Variants in GALNTL6 observed in about 807,000 individuals in gnomAD.
GALNTL6 encodes the protein polypeptide N-acetylgalactosaminyltransferase-like 6.
GALNTL6 carries 46 observed loss-of-function variants against 73.7 expected under a neutral mutation model. The ratio of observed to expected loss-of-function variants is 0.62; its 90% CI spans 0.49 to 0.80. The LOEUF (loss-of-function observed/expected upper bound fraction) is 0.80. Among genes scored for constraint, GALNTL6 ranks in the 30% least tolerant of loss-of-function variants. The pLI is 0.00. For missense variants in GALNTL6, 604 were observed against 755.0 expected (o/e 0.80, Z 2.34); for synonymous variants, 259 against 263.7 (o/e 0.98, Z 0.17).
chr4:173,039,448 A>G (rs1029078302), intron 12 of GALNTL6, among the ~76,000 whole-genome samples: 1 of 152,008 alleles, frequency 6.6e-6, no homozygotes, highest in Non-Finnish European at 1.5e-5. Flanking sequence ...TAGAGATTCA[A>G]TGTGAGGGAA....
chr4:171,837,136 T>C (rs2110835678), intron 2 of GALNTL6, among the ~76,000 whole-genome samples: 1 of 152,214 alleles, frequency 6.6e-6, no homozygotes, highest in East Asian at 1.9e-4. Context: ...TTGGATGCAA[T>C]GAAAATGTGT....
intron 5 of GALNTL6, among the ~76,000 whole-genome samples, chr4:172,487,163 G>A (rs756933882): frequency 1.1e-4 from 17 of 151,336 alleles, no homozygotes; most frequent in Admixed American, 1.0e-3. Flanking sequence ...ACAAAAGAAC[G>A]TAGTAGAAGA....
chr4:172,582,953 C>T (rs549896596), intron 5 of GALNTL6, among the ~76,000 whole-genome samples: 41 of 152,288 alleles, frequency 2.7e-4, no homozygotes, highest in Admixed American at 2.0e-3. Context: ...GAAATCTTGT[C>T]ATCCCAGTAA....
intron 2 of GALNTL6, among the ~76,000 whole-genome samples, chr4:171,909,110 A>G (rs1480734360): frequency 6.6e-6 from 1 of 150,414 alleles, no homozygotes; most frequent in Non-Finnish European, 1.5e-5. Context: ...TAACCTGCAC[A>G]TTGTGCACAT....
intron 5 of GALNTL6, among the ~76,000 whole-genome samples, chr4:172,520,446 A>G (rs1482534376): frequency 6.6e-6 from 1 of 151,882 alleles, no homozygotes; most frequent in Non-Finnish European, 1.5e-5. Flanking sequence ...AAAATCATAT[A>G]TACTGTTATT....
chr4:171,908,014 A>T (rs1737348886), intron 2 of GALNTL6, among the ~76,000 whole-genome samples: 2 of 152,064 alleles, frequency 1.3e-5, no homozygotes, highest in Admixed American at 6.6e-5. Flanking sequence ...TTAAAGACTT[A>T]AACGTTAGAC....
chr4:172,941,480 C>G (rs149807205), intron 9 of GALNTL6, among the ~76,000 whole-genome samples: 5 of 152,234 alleles, frequency 3.3e-5, no homozygotes, highest in Non-Finnish European at 5.9e-5. Flanking sequence ...ACCTGGAGAC[C>G]TTGGCATTTC....
intron 5 of GALNTL6, among the ~76,000 whole-genome samples, chr4:172,695,592 T>G (rs1035661849): frequency 1.3e-5 from 2 of 152,246 alleles, no homozygotes; most frequent in Non-Finnish European, 2.9e-5. Context: ...TCATTTCATG[T>G]TTCTTATTTG....
intron 3 of GALNTL6, among the ~76,000 whole-genome samples, chr4:172,267,810 T>A (rs1341478655): frequency 6.6e-6 from 1 of 152,110 alleles, no homozygotes; most frequent in Non-Finnish European, 1.5e-5. Context: ...TGGAAGTATA[T>A]GAATTCCAAG....
At chr4:172,481,232 C>CTTCCTCCCGACCCGAGTTGTTCA (rs1733453280) in intron 5 of GALNTL6, among the ~76,000 whole-genome samples, 1 of 151,746 alleles carries the variant, frequency 6.6e-6, no homozygotes, top group African/African-American at 2.4e-5. Context: ...GGAGTTGTTC[C>CTTCCTCCCGACCCGAGTTGTTCA]TTCCTCCCGA....
At chr4:172,144,597 G>T (rs1055733100) in intron 2 of GALNTL6, among the ~76,000 whole-genome samples, 15 of 152,176 alleles carry the variant, frequency 9.9e-5, no homozygotes, top group African/African-American at 3.6e-4. Context: ...TGAATATTGT[G>T]AAGTTCTATG....
intron 5 of GALNTL6, among the ~76,000 whole-genome samples, chr4:172,373,858 T>A (rs9968443): frequency 0.02 from 3,106 of 152,248 alleles, 105 homozygotes; most frequent in African/African-American, 0.069. Context: ...TAATGGACCT[T>A]GAGGACAGTC....
rs837215 is a variant in GALNTL6 at position 172,633,554 on chromosome 4, T to A, written c.554-175807T>A. ...GCTTTTGATTTTACAGGCTTATAGG[T>A]GGGAGGGACTTGCCTTGTCTCAGAT... On this transcript the variant is annotated intron_variant, in intron 5 of 12. Coordinates refer to ENST00000506823, the MANE Select transcript of GALNTL6 (RefSeq NM_001034845.3). Among the ~76,000 whole-genome samples, 4 of 152,266 alleles carry A rather than the reference T, an allele frequency of 2.6e-5. No individual in the cohort carries two copies. The East Asian group carries it at 5.8e-4, about 22-fold the overall frequency.
chr4:172,375,485 C>T (rs948659457), intron 5 of GALNTL6, among the ~76,000 whole-genome samples: 3 of 152,118 alleles, frequency 2.0e-5, no homozygotes, highest in African/African-American at 4.8e-5. Context: ...AAAATGCCCC[C>T]AGTTTTGGTT....
At chr4:172,895,874 T>C (rs1034583547) in intron 8 of GALNTL6, among the ~76,000 whole-genome samples, 2 of 152,218 alleles carry the variant, frequency 1.3e-5, no homozygotes, top group South Asian at 2.1e-4. Flanking sequence ...AGCTCACTGA[T>C]TCTTTTGTTT....
At chr4:171,931,739 C>A (rs182568328) in intron 2 of GALNTL6, among the ~76,000 whole-genome samples, 2 of 152,142 alleles carry the variant, frequency 1.3e-5, no homozygotes, top group Admixed American at 1.3e-4. Flanking sequence ...GAAAATTGTG[C>A]TTTATCCATT....
At chr4:172,354,530 G>A (rs1477461216) in intron 5 of GALNTL6, among the ~76,000 whole-genome samples, 2 of 152,014 alleles carry the variant, frequency 1.3e-5, no homozygotes, top group Non-Finnish European at 2.9e-5. Flanking sequence ...GGGACATTGA[G>A]CGACATTGCT....
intron 10 of GALNTL6, among the ~76,000 whole-genome samples, chr4:172,965,558 G>A (rs1046330215): frequency 4.0e-5 from 6 of 151,544 alleles, no homozygotes; most frequent in Non-Finnish European, 8.8e-5. Flanking sequence ...ATCCAGCCTG[G>A]GTGACAGAGT....
At chr4:172,090,752 G>A (rs563114606) in intron 2 of GALNTL6, among the ~76,000 whole-genome samples, 19 of 152,220 alleles carry the variant, frequency 1.2e-4, no homozygotes, top group African/African-American at 4.6e-4. Context: ...TGGTGTTTTA[G>A]TCATGAAGTC....
Sources: allele counts gnomAD v4.1 joint callset (sites outside exome capture counted in the v4.1 genomes callset), GRCh38; gene constraint gnomAD v4.1.1; transcripts MANE v1.5; gene names NCBI Gene and HGNC (gene_info 2026-07-23, HGNC 2026-07-21).